Variants in RNGTT observed in about 807,000 individuals in gnomAD.
RNGTT encodes the protein RNA guanylyltransferase and 5'-phosphatase, also known as mRNA-capping enzyme.
In RNGTT, 33 loss-of-function variants were observed where a neutral mutation model predicts 79.3. That is an observed-to-expected ratio of 0.42 (90% CI 0.32 to 0.56). The LOEUF (loss-of-function observed/expected upper bound fraction) is 0.56. Among genes scored for constraint, RNGTT ranks in the 20% least tolerant of loss-of-function variants. The pLI, the probability that RNGTT is intolerant of heterozygous loss-of-function variation, is 0.17. For synonymous variants in RNGTT, 222 were observed against 235.9 expected (o/e 0.94, Z 0.54); for missense variants, 497 against 739.1 (o/e 0.67, Z 3.80).
At chr6:88,864,044 A>T (rs1314545111) in intron 8 of RNGTT, among the ~76,000 whole-genome samples, 2 of 152,122 alleles carry the variant, frequency 1.3e-5, no homozygotes, top group African/African-American at 4.8e-5. Flanking sequence ...AGGAATTTGT[A>T]TATGTCTGTT....
At chr6:88,831,618 G>GT (rs1408432092) in intron 11 of RNGTT, among the ~76,000 whole-genome samples, 1 of 152,164 alleles carries the variant, frequency 6.6e-6, no homozygotes, top group Non-Finnish European at 1.5e-5. Flanking sequence ...GAAATAAAGT[G>GT]TATTCAAATA....
rs147041961 is a variant in RNGTT at position 88,689,864 on chromosome 6, C to T, written c.1440-11445G>A. Among the ~76,000 whole-genome samples, 560 of 135,424 alleles carry T rather than the reference C, an allele frequency of 4.1e-3. 4 individuals are homozygous for T. Among genetic ancestry groups the T allele is most frequent in the African/African-American group, 0.018 (541 of 30,082 alleles). 88.8% of individuals were successfully genotyped at this position (135,424 alleles called of 152,430 possible). On this transcript the variant is annotated intron_variant, in intron 13 of 15. Coordinates refer to ENST00000369485, the MANE Select transcript of RNGTT (RefSeq NM_003800.5). The stretch of plus-strand genomic sequence containing the variant: ...CTCAAAGTTTCTCCCCAGAAAAACA[C>T]GTAACAATTACAAAAAAAAAAAAAA...
At chr6:88,873,266 G>C (rs951202169) in intron 8 of RNGTT, among the ~76,000 whole-genome samples, 1 of 152,074 alleles carries the variant, frequency 6.6e-6, no homozygotes, top group Non-Finnish European at 1.5e-5. Flanking sequence ...CACATTTGAA[G>C]AAACTAGAAA....
chr6:88,655,328 C>T (rs558707447), intron 14 of RNGTT, among the ~76,000 whole-genome samples: 11 of 152,164 alleles, frequency 7.2e-5, no homozygotes, highest in African/African-American at 2.4e-4. Context: ...AAATATGCTA[C>T]TTTAAAAAAA....
At chr6:88,744,610 T>C (rs904066377) in intron 13 of RNGTT, among the ~76,000 whole-genome samples, 4 of 152,168 alleles carry the variant, frequency 2.6e-5, no homozygotes, top group African/African-American at 9.7e-5. Context: ...AAGAGAAAAC[T>C]AATCATTACA....
intron 12 of RNGTT, among the ~76,000 whole-genome samples, chr6:88,796,117 C>T (rs1438447319): frequency 6.6e-6 from 1 of 152,044 alleles, no homozygotes; most frequent in Non-Finnish European, 1.5e-5. Flanking sequence ...TTCAAATACT[C>T]AGTACAAAAA....
At chr6:88,692,541 T>C (rs1167451197) in intron 13 of RNGTT, among the ~76,000 whole-genome samples, 2 of 151,566 alleles carry the variant, frequency 1.3e-5, no homozygotes, top group African/African-American at 4.8e-5. Context: ...ATAAAACACA[T>C]ATTGTATGTT....
intron 8 of RNGTT, among the ~76,000 whole-genome samples, chr6:88,854,438 A>T (rs1284147448): frequency 1.3e-5 from 2 of 152,192 alleles, no homozygotes; most frequent in African/African-American, 4.8e-5. Flanking sequence ...ATATAAATGT[A>T]CTTTACTAGC....
rs1255036863 is a variant in RNGTT, at chr6:88,944,574, G to T, written c.65-3394C>A. Among the ~76,000 whole-genome samples the T allele has an allele frequency of 2.0e-5, 3 of 147,384 alleles. 1 individual carries two copies. Among genetic ancestry groups the T allele is most frequent in the Admixed American group, 1.4e-4 (2 of 14,506 alleles). On this transcript the variant is annotated intron_variant, in intron 1 of 15. Transcript: ENST00000369485. ...CCAACCCCCACCCCCAACATCTTCA[G>T]CATCTCAGACATCTGCTGGCTCATT... is the stretch of plus-strand genomic sequence containing the variant.
intron 13 of RNGTT, among the ~76,000 whole-genome samples, chr6:88,688,537 G>C (rs1406050895): frequency 6.6e-6 from 1 of 152,082 alleles, no homozygotes; most frequent in African/African-American, 2.4e-5. Context: ...GCTAATTCCT[G>C]GGCCGAGGAA....
chr6:88,931,225 A>C (rs1020776017), intron 2 of RNGTT, among the ~76,000 whole-genome samples: 39 of 147,724 alleles, frequency 2.6e-4, no homozygotes, highest in Admixed American at 2.6e-3. Flanking sequence ...AAGAAGTTCT[A>C]TGTGCTAATA....
rs977276453 is a variant in RNGTT at position 88,769,962 on chromosome 6, A to C, written c.1339-88T>G. ...TTAAACCTAATGTAACTTTTTATTA[A>C]GCAAAATTACTTCTTTTCTAAACAT... On this transcript the variant is annotated intron_variant, in intron 12 of 15. Coordinates refer to ENST00000369485, the MANE Select transcript of RNGTT (RefSeq NM_003800.5). 1.2e-5 allele frequency: 10 copies of C among 811,720 alleles called. No homozygotes were observed. The African/African-American group carries it at 1.7e-4, about 14-fold the overall frequency. 50.3% of individuals were successfully genotyped at this position (811,720 alleles called of 1,614,324 possible). A position where few individuals can be genotyped will look rare whatever the true frequency, so the allele number is the denominator to read the frequency against.
intron 4 of RNGTT, among the ~76,000 whole-genome samples, chr6:88,923,573 G>A (rs1490519234): frequency 1.3e-5 from 2 of 152,070 alleles, no homozygotes; most frequent in African/African-American, 4.8e-5. Context: ...AGAAACAGAC[G>A]CAGGGAGGTT....
intron 2 of RNGTT, among the ~76,000 whole-genome samples, chr6:88,930,255 T>C (rs1265226921): frequency 6.7e-6 from 1 of 148,946 alleles, no homozygotes; most frequent in Non-Finnish European, 1.5e-5. Flanking sequence ...TTTATATATA[T>C]GTCCCTTTCT....
chr6:88,745,827 C>T (rs1777642337), intron 13 of RNGTT, among the ~76,000 whole-genome samples: 1 of 151,598 alleles, frequency 6.6e-6, no homozygotes, highest in Non-Finnish European at 1.5e-5. Context: ...AATAACTTGG[C>T]CCCCTTATAT....
intron 1 of RNGTT, among the ~76,000 whole-genome samples, chr6:88,943,854 C>A (rs1401114872): frequency 2.0e-5 from 3 of 152,144 alleles, no homozygotes; most frequent in Non-Finnish European, 4.4e-5. Flanking sequence ...GCCCCCATTA[C>A]CCAGTCACAC....
At chr6:88,827,707 G>A (rs561735846) in intron 11 of RNGTT, among the ~76,000 whole-genome samples, 1 of 152,156 alleles carries the variant, frequency 6.6e-6, no homozygotes, top group Admixed American at 6.5e-5. Context: ...TTGGTGGGGG[G>A]AGGGGCGTCT....
Position 88,929,806 on chromosome 6 carries a change from A to G in RNGTT, c.175-539T>C, listed in dbSNP as rs552724125. Among the ~76,000 whole-genome samples, 11 of 151,598 alleles carry G rather than the reference A, an allele frequency of 7.3e-5. No homozygotes were observed. The South Asian group carries it at 8.3e-4, about 11-fold the overall frequency. ...CATTTATATCATATATATGATGTGT[A>G]TATATATATACATACATATACACAC... On this transcript the variant is annotated intron_variant, in intron 2 of 15. Transcript: ENST00000369485.
chr6:88,929,212 T>C lies in RNGTT; in HGVS notation c.230A>G (p.Asn77Ser). The C allele has an allele frequency of 6.2e-7, 1 of 1,610,980 alleles. No homozygotes were observed. Residue 77 changes from asparagine (N) to serine (S), a missense_variant, in exon 3 of 16, where the codon AAT (asparagine) becomes AGT (serine). Transcript: ENST00000369485. Reference sequence around the variant, plus strand: ...TTTGATTCCTTCTTTTTCTATGTCATTTCGGTCATAGAACCTTGAAGTATT... The same window carrying C: ...TTTGATTCCTTCTTTTTCTATGTCACTTCGGTCATAGAACCTTGAAGTATT... ...LTNTSRFYDR[N>S]DIEKEGIKYI...
Sources: gnomAD v4.1 joint callset for allele counts (sites outside exome capture counted in the v4.1 genomes callset) on GRCh38, gnomAD v4.1.1 for gene constraint, MANE v1.5 for transcripts, NCBI Gene and HGNC (gene_info 2026-07-23, HGNC 2026-07-21) for gene names.